The following UBR2 variants were observed in gnomAD, a reference collection of about 807,000 sequenced individuals.
The protein encoded by UBR2 is ubiquitin protein ligase E3 component n-recognin 2, also known as E3 ubiquitin-protein ligase UBR2.
A neutral mutation model predicts 247.9 loss-of-function variants in UBR2; 92 were observed. The observed-to-expected ratio is 0.37, with a 90% confidence interval of 0.31 to 0.44. UBR2 has a LOEUF of 0.44. Among genes scored for constraint, UBR2 ranks in the 20% least tolerant of loss-of-function variants. The pLI is 1.00. For synonymous variants in UBR2, 672 were observed against 693.5 expected, an observed-to-expected ratio of 0.97 and a Z score of 0.49; for missense variants, 1,613 against 2,112.6, an observed-to-expected ratio of 0.76 and a Z score of 4.64.
rs1797588748 is a variant in UBR2 at position 42,658,674 on chromosome 6, G to C, written c.3092G>C (p.Arg1031Thr). ...TCAAGGGACAAAGACAAAGCTGAGA[G>C]GAAGAGAAAAGCAGAGATTGCCAGA... ...ESSRDKDKAE[R>T]KRKAEIARLR... Residue 1031 changes from arginine to threonine, a missense_variant, in exon 29 of 47, where the codon AGG (arginine) becomes ACG (threonine). Physicochemically the swap from Arg to Thr is moderately conservative, Grantham distance 71. Coordinates refer to ENST00000372901, the MANE Select transcript of UBR2 (RefSeq NM_001363705.2). 6.2e-7 allele frequency: 1 copy of C among 1,611,998 alleles called. No homozygotes were observed. The highest frequency in any genetic ancestry group is 8.5e-7 in the Non-Finnish European group (1 of 1,179,380).
chr6:42,569,625 G>A (rs1272010292), intron 1 of UBR2, among the ~76,000 whole-genome samples: 4 of 152,208 alleles, frequency 2.6e-5, no homozygotes, highest in East Asian at 1.9e-4. Context: ...AGCACTAGTT[G>A]TTTTATGATT....
intron 6 of UBR2, among the ~76,000 whole-genome samples, chr6:42,606,333 A>C (rs772028586): frequency 1.3e-5 from 2 of 152,216 alleles, no homozygotes; most frequent in Admixed American, 6.5e-5. Flanking sequence ...AAGAGAACAT[A>C]TAGTTATTAA....
chr6:42,576,172 A>G (rs997132849), intron 2 of UBR2, among the ~76,000 whole-genome samples: 5 of 152,110 alleles, frequency 3.3e-5, no homozygotes, highest in East Asian at 1.9e-4. Context: ...ATAAGATGGT[A>G]TGTGTGCATG....
chr6:42,652,361 A>T, intron 24 of UBR2, 130 bp from the exon 25 acceptor site: 2 of 1,135,826 alleles, frequency 1.8e-6, no homozygotes, highest in South Asian at 3.3e-5. Flanking sequence ...TGACCTTGAG[A>T]ATGTAAAATA....
At chr6:42,687,149 G>C (rs951481361) in intron 44 of UBR2, among the ~76,000 whole-genome samples, 2 of 152,184 alleles carry the variant, frequency 1.3e-5, no homozygotes, top group African/African-American at 2.4e-5. Flanking sequence ...GGAGGTGGAG[G>C]TTGTAGCGAG....
Position 42,666,254 on chromosome 6 carries a change from A to G in UBR2, c.3881+9A>G, listed in dbSNP as rs1032840331. 1.3e-6 allele frequency: 2 copies of G among 1,594,904 alleles called. No homozygotes were observed. The highest frequency in any genetic ancestry group is 1.7e-6 in the Non-Finnish European group (2 of 1,169,400). ...CCTGATTTTCGTCCTAAGTGAGTAT[A>G]TTATTTTACTCCTTTAATATTTGAC... On this transcript the variant is annotated intron_variant, in intron 34 of 46. Coordinates refer to ENST00000372901, the MANE Select transcript of UBR2 (RefSeq NM_001363705.2).
intron 13 of UBR2, 54 bp downstream of exon 13, chr6:42,632,958 C>CTTTTTTTTTTTTTTTTTTTTTTT (rs34284200): frequency 2.0e-4 from 128 of 647,066 alleles, no homozygotes; most frequent in African/African-American, 4.5e-4. Flanking sequence ...TCTCTTTTCT[C>CTTTTTTTTTTTTTTTTTTTTTTT]TTTTTTTTTT....
intron 28 of UBR2, 30 bp downstream of exon 28, chr6:42,658,350 A>G (rs763437878): frequency 6.4e-7 from 1 of 1,574,672 alleles, no homozygotes; most frequent in South Asian, 1.2e-5. Flanking sequence ...TGATAATACT[A>G]AAAAATTACA....
chr6:42,690,646 T>G (rs1216973616), intron 46 of UBR2, among the ~76,000 whole-genome samples: 1 of 152,226 alleles, frequency 6.6e-6, no homozygotes, highest in African/African-American at 2.4e-5. Context: ...AGGAATATTT[T>G]TACTCCTATA....
chr6:42,640,665 A>G (rs1047758939), intron 16 of UBR2, among the ~76,000 whole-genome samples: 5 of 152,076 alleles, frequency 3.3e-5, no homozygotes, highest in Non-Finnish European at 5.9e-5. Flanking sequence ...AAGGCCTTCA[A>G]CTGAACTGAT....
rs114956939 is a variant in UBR2, at chr6:42,591,452, A to G, written c.339-699A>G. Among the ~76,000 whole-genome samples, 30 of 152,270 alleles carry G rather than the reference A, an allele frequency of 2.0e-4. 1 individual carries two copies. The highest frequency in any genetic ancestry group is 2.9e-5 in the Non-Finnish European group (2 of 68,016). On this transcript the variant is annotated intron_variant, in intron 2 of 46. Coordinates refer to ENST00000372901, the MANE Select transcript of UBR2 (RefSeq NM_001363705.2). ...AGATTCTCTTAAGATATGATCTATA[A>G]ATGTATCTAACTGGCAGTATGAAGA...
intron 11 of UBR2, among the ~76,000 whole-genome samples, chr6:42,624,068 G>A (rs1256823321): frequency 2.0e-5 from 3 of 152,058 alleles, no homozygotes; most frequent in South Asian, 4.2e-4. Flanking sequence ...AATTACATTG[G>A]CAAGTATATT....
intron 18 of UBR2, among the ~76,000 whole-genome samples, chr6:42,642,894 G>C (rs1300255702): frequency 6.6e-6 from 1 of 152,104 alleles, no homozygotes; most frequent in African/African-American, 2.4e-5. Context: ...ATACTTAACT[G>C]CATTGAAGTT....
intron 2 of UBR2, among the ~76,000 whole-genome samples, chr6:42,582,548 G>C (rs1411089913): frequency 6.6e-6 from 1 of 152,058 alleles, no homozygotes; most frequent in African/African-American, 2.4e-5. Context: ...TTTTCCAAAA[G>C]GATTTTATCT....
In UBR2 at chr6:42,688,330, A is replaced by G. The variant is rs763404373; in HGVS notation, c.4968A>G (p.Val1656=). The G allele has an allele frequency of 7.4e-6, 12 of 1,613,860 alleles. No homozygotes were observed. The South Asian group carries it at 1.2e-4, about 16-fold the overall frequency. ...CCQTELEGED[V]GACTAHTYSC... The stretch of plus-strand genomic sequence containing the variant: ...AGACTGAACTGGAAGGGGAGGATGT[A>G]GGAGCCTGCACAGCTCACACCTACT... The change falls in exon 45 of 47, where the codon GTA becomes GTG. Residue 1656 remains valine, a synonymous_variant. Transcript: ENST00000372901.
chr6:42,592,059 T>C lies in UBR2; in HGVS notation c.339-92T>C, dbSNP rs1792698200. ...AACACCAAAAAACTTCACGTTTTCA[T>C]TCTTTTAGGATGGATTCCAATTTGA... On this transcript the variant is annotated intron_variant, in intron 2 of 46. Transcript: ENST00000372901. 5 of 1,240,178 alleles carry C rather than the reference T, an allele frequency of 4.0e-6. No homozygotes were observed. In the Admixed American group the frequency reaches 7.3e-5, roughly 18 times the overall value. 76.8% of individuals were successfully genotyped at this position (1,240,178 alleles called of 1,614,324 possible).
intron 6 of UBR2, 40 bp from the exon 7 acceptor site, chr6:42,606,549 A>G (rs769011969): frequency 2.6e-6 from 4 of 1,551,708 alleles, no homozygotes; most frequent in Non-Finnish European, 8.9e-7. Context: ...TTAATATTGA[A>G]TACAATACTT....
At chr6:42,612,335 C>A (rs781472675) in intron 8 of UBR2, 44 bp downstream of exon 8, 1 of 1,430,066 alleles carries the variant, frequency 7.0e-7, no homozygotes, top group Non-Finnish European at 9.3e-7. Context: ...TAAAAATGAG[C>A]TCAATATGCT....
At position 42,614,205 on chromosome 6, in the gene UBR2, A is replaced by AAAAT. The variant is rs1562310782; in HGVS notation, c.986-866_986-865insAAAT. Among the ~76,000 whole-genome samples, 182 of 26,584 alleles carry AAAAT rather than the reference A, an allele frequency of 6.8e-3. 13 individuals carry two copies. The highest frequency in any genetic ancestry group is 0.012 in the Admixed American group (22 of 1,894). 17.4% of individuals were successfully genotyped at this position (26,584 alleles called of 152,430 possible). A position where few individuals can be genotyped will look rare whatever the true frequency, so the allele number is the denominator to read the frequency against. Reference sequence around the variant, plus strand: ...AAAAAAAAAAAAAAAAAAAAAAAAAACTATATATATATACACACACACACA... The same window carrying AAAAT: ...AAAAAAAAAAAAAAAAAAAAAAAAAAAAATCTATATATATATACACACACACACA... On this transcript the variant is annotated intron_variant, in intron 8 of 46. Transcript: ENST00000372901.
Sources: allele counts gnomAD v4.1 joint callset (sites outside exome capture counted in the v4.1 genomes callset), GRCh38; gene constraint gnomAD v4.1.1; transcripts MANE v1.5; gene names NCBI Gene and HGNC (gene_info 2026-07-23, HGNC 2026-07-21).